Variants in TAOK3 observed in about 807,000 individuals in gnomAD.
TAOK3 encodes serine/threonine-protein kinase TAO3.
TAOK3 carries 40 observed loss-of-function variants against 120.4 expected under a neutral mutation model. The observed-to-expected ratio is 0.33, with a 90% CI of 0.26 to 0.43. The LOEUF is 0.43. TAOK3 is among the 20% of genes least tolerant of loss of function. The pLI is 1.00. For missense variants in TAOK3, 821 were observed against 1,112.1 expected (o/e 0.74, Z 3.72); for synonymous variants, 355 against 387.5 (o/e 0.92, Z 0.99).
rs558622419 is a variant in TAOK3, at chr12:118,289,931, T to C, written c.-193-23172A>G. Among the ~76,000 whole-genome samples the C allele has an allele frequency of 1.1e-4, 17 of 150,422 alleles. No individual in the cohort carries two copies. In the South Asian group the frequency reaches 3.6e-3, roughly 32 times the overall value. On this transcript the variant is annotated intron_variant, in intron 1 of 20. Coordinates refer to ENST00000392533, the MANE Select transcript of TAOK3 (RefSeq NM_016281.4). The stretch of plus-strand genomic sequence containing the variant: ...AATAGCTTGAACCCGGGAATGTAGG[T>C]TGCAGTGAGCCGAGATCACACCATT...
At chr12:118,245,055 T>C in intron 3 of TAOK3, 90 bp from the exon 4 acceptor site, 1 of 784,224 alleles carries the variant, frequency 1.3e-6, no homozygotes, top group Non-Finnish European at 2.0e-6. Flanking sequence ...TATTTATTTA[T>C]ATATTTATTT....
At position 118,165,959 on chromosome 12, in the gene TAOK3, A is replaced by G. The variant is rs78675451; in HGVS notation, c.1900-3932T>C. Among the ~76,000 whole-genome samples, 36 of 152,292 alleles carry G rather than the reference A, an allele frequency of 2.4e-4. No individual in the cohort carries two copies. The East Asian group carries it at 6.0e-3, about 25-fold the overall frequency. Reference sequence around the variant, plus strand: ...GGTGTAAGATGGTAAGCTACCTTTAATATTTGAGACATGGGGGAAAAATTA... The same window carrying G: ...GGTGTAAGATGGTAAGCTACCTTTAGTATTTGAGACATGGGGGAAAAATTA... On this transcript the variant is annotated intron_variant, in intron 17 of 20. Transcript: ENST00000392533.
chr12:118,192,154 C>T (rs1487290362), intron 13 of TAOK3, among the ~76,000 whole-genome samples: 1 of 152,128 alleles, frequency 6.6e-6, no homozygotes, highest in Non-Finnish European at 1.5e-5. Flanking sequence ...CGGTTTAGGG[C>T]TCTGCTTCTC....
In TAOK3 at chr12:118,356,637, G is replaced by A. The variant is rs530542227; in HGVS notation, c.-194+16011C>T. Among the ~76,000 whole-genome samples the A allele has an allele frequency of 1.6e-3, 244 of 152,094 alleles. 1 individual carries two copies. The highest frequency in any genetic ancestry group is 5.4e-3 in the African/African-American group (225 of 41,496). ...CATTAAAAAAAAATGATATGGCCAC[G>A]TGCAGTGGCTCACACCTGTAATCCC... On this transcript the variant is annotated intron_variant, in intron 1 of 20. Coordinates refer to ENST00000392533, the MANE Select transcript of TAOK3 (RefSeq NM_016281.4).
chr12:118,191,573 A>G (rs2037432186), intron 13 of TAOK3, among the ~76,000 whole-genome samples: 1 of 152,240 alleles, frequency 6.6e-6, no homozygotes, highest in African/African-American at 2.4e-5. Context: ...TTGGTGGCTT[A>G]TAAAACTTGT....
chr12:118,181,068 C>T (rs1192493983), intron 15 of TAOK3, among the ~76,000 whole-genome samples: 2 of 152,100 alleles, frequency 1.3e-5, no homozygotes, highest in Admixed American at 1.3e-4. Flanking sequence ...TGGTCTCGAA[C>T]TCCTGACCTC....
intron 1 of TAOK3, among the ~76,000 whole-genome samples, chr12:118,312,356 T>C (rs180718438): frequency 2.0e-5 from 3 of 152,196 alleles, no homozygotes; most frequent in East Asian, 1.9e-4. Flanking sequence ...AGAAAAAATA[T>C]GGCTAAATTA....
Position 118,267,225 on chromosome 12 carries a change from A to T in TAOK3, c.-193-466T>A, listed in dbSNP as rs183694947. On this transcript the variant is annotated intron_variant, in intron 1 of 20. Transcript: ENST00000392533. Reference sequence around the variant, plus strand: ...TCAGGGTGATGATTATTATTTATTTATTTTTTTTGAGACGGAGTCTTGCTC... The same window carrying T: ...TCAGGGTGATGATTATTATTTATTTTTTTTTTTTGAGACGGAGTCTTGCTC... Among the ~76,000 whole-genome samples, 722 of 151,688 alleles carry T rather than the reference A, an allele frequency of 4.8e-3. 2 individuals carry two copies. Among genetic ancestry groups the T allele is most frequent in the Non-Finnish European group, 6.5e-3 (442 of 67,908 alleles).
intron 14 of TAOK3, among the ~76,000 whole-genome samples, chr12:118,181,881 C>A (rs2036747745): frequency 6.6e-6 from 1 of 152,126 alleles, no homozygotes; most frequent in South Asian, 2.1e-4. Flanking sequence ...GAAATTGATT[C>A]TTGAAAGAAA....
Position 118,255,479 on chromosome 12 carries a change from A to G in TAOK3, c.89T>C (p.Ile30Thr), listed in dbSNP as rs2040940754. 2.5e-6 allele frequency: 4 copies of G among 1,614,000 alleles called. No individual in the cohort carries two copies. The highest frequency in any genetic ancestry group is 3.4e-6 in the Non-Finnish European group (4 of 1,180,030). The change falls in exon 3 of 21, where the codon ATT becomes ACT. Residue 30 changes from isoleucine to threonine, a missense_variant. By Grantham distance (89) the Ile-to-Thr change is moderately conservative. Coordinates refer to ENST00000392533, the MANE Select transcript of TAOK3 (RefSeq NM_016281.4). ...AACTGCTCCAAAACTTCCATGTCCA[A>G]TTTCATGCAAACCAATAAAAAGTTC... ...PEELFIGLHE[I>T]GHGSFGAVYF... is the part of the protein sequence containing the mutation.
intron 19 of TAOK3, chr12:118,152,740 C>T: frequency 4.2e-6 from 1 of 236,168 alleles, no homozygotes; most frequent in Non-Finnish European, 8.3e-6. Flanking sequence ...CACCTTGGCA[C>T]ATTACCTACC....
At chr12:118,183,898 T>A (rs1238650051) in intron 14 of TAOK3, among the ~76,000 whole-genome samples, 3 of 152,242 alleles carry the variant, frequency 2.0e-5, no homozygotes. Context: ...TTACAGCCAA[T>A]AAAATATTCT....
intron 12 of TAOK3, 29 bp downstream of exon 12, chr12:118,201,266 TA>T: frequency 6.3e-7 from 1 of 1,596,798 alleles, no homozygotes; most frequent in South Asian, 1.1e-5. Context: ...GGGCATTCTA[TA>T]AGTGCCTGCT....
At chr12:118,349,699 C>T (rs1325550360) in intron 1 of TAOK3, among the ~76,000 whole-genome samples, 2 of 151,978 alleles carry the variant, frequency 1.3e-5, no homozygotes, top group African/African-American at 2.4e-5. Context: ...GTAACAACAT[C>T]ACAAATATAC....
chr12:118,360,664 A>G (rs1021835833), intron 1 of TAOK3, among the ~76,000 whole-genome samples: 2 of 152,228 alleles, frequency 1.3e-5, no homozygotes, highest in African/African-American at 2.4e-5. Flanking sequence ...CTAGGAATAC[A>G]ATAATGAACA....
At chr12:118,227,347 T>C (rs1245709680) in intron 9 of TAOK3, among the ~76,000 whole-genome samples, 2 of 148,532 alleles carry the variant, frequency 1.3e-5, no homozygotes, top group African/African-American at 2.4e-5. Context: ...AAGTAAAATA[T>C]AAAATAAGTA....
In TAOK3 at chr12:118,225,395, A is replaced by G. The variant is rs1201523909; in HGVS notation, c.643+8279T>C. Among the ~76,000 whole-genome samples, 97 of 116,578 alleles carry G rather than the reference A, an allele frequency of 8.3e-4. 2 individuals are homozygous for G. Among genetic ancestry groups the G allele is most frequent in the Admixed American group, 8.3e-3 (96 of 11,618 alleles). 76.5% of individuals were successfully genotyped at this position (116,578 alleles called of 152,430 possible). A position where few individuals can be genotyped will look rare whatever the true frequency, so the allele number is the denominator to read the frequency against. ...CAGTTTAACCTTTGTCTTGCATGTA[A>G]AAAAAAAAAAAAATACCCTTCTTTT... On this transcript the variant is annotated intron_variant, in intron 9 of 20. Transcript: ENST00000392533.
chr12:118,220,642 A>G (rs1184399609), intron 9 of TAOK3, among the ~76,000 whole-genome samples: 1 of 152,070 alleles, frequency 6.6e-6, no homozygotes, highest in Non-Finnish European at 1.5e-5. Flanking sequence ...AAATTTGAAA[A>G]GAAAAGGATG....
In TAOK3 at chr12:118,235,504, T is replaced by G. The variant is rs562403500; in HGVS notation, c.551+54A>C. 2.4e-5 allele frequency: 33 copies of G among 1,392,532 alleles called. No homozygotes were observed. The East Asian group carries it at 7.6e-4, about 32-fold the overall frequency. The allele number at this position is 1,392,532 out of a possible 1,614,324, so 86.3% of individuals were successfully genotyped here. A position where few individuals can be genotyped will look rare whatever the true frequency, so the allele number is the denominator to read the frequency against. Reference sequence around the variant, plus strand: ...AACCAAGCCAAACCAGCACCATAGTTGAGTTCATGTATGCAGATTTTAAAA... The same window carrying G: ...AACCAAGCCAAACCAGCACCATAGTGGAGTTCATGTATGCAGATTTTAAAA... On this transcript the variant is annotated intron_variant, in intron 8 of 20. Transcript: ENST00000392533.
Sources: allele counts gnomAD v4.1 joint callset (sites outside exome capture counted in the v4.1 genomes callset), GRCh38; gene constraint gnomAD v4.1.1; transcripts MANE v1.5; gene names NCBI Gene and HGNC (gene_info 2026-07-23, HGNC 2026-07-21).